Variants in WLS observed in about 807,000 individuals in gnomAD.
The protein encoded by WLS is protein wntless homolog.
WLS carries 23 observed loss-of-function variants against 62.8 expected under a neutral mutation model. The ratio of observed to expected loss-of-function variants is 0.37; its 90% CI spans 0.26 to 0.52. The LOEUF (loss-of-function observed/expected upper bound fraction) is 0.52. Among genes scored for constraint, WLS ranks in the 20% least tolerant of loss-of-function variants. The pLI, the probability that WLS is intolerant of heterozygous loss-of-function variation, is 0.92. For synonymous variants in WLS, 246 were observed against 244.1 expected, an observed-to-expected ratio of 1.01 and a Z score of -0.07; for missense variants, 615 against 697.3, an observed-to-expected ratio of 0.88 and a Z score of 1.33.
intron 1 of WLS, among the ~76,000 whole-genome samples, chr1:68,214,134 G>A (rs961027389): frequency 9.9e-5 from 15 of 151,630 alleles, no homozygotes; most frequent in Admixed American, 7.2e-4. Context: ...TCCAGGAATT[G>A]TCACTAATGA....
intron 11 of WLS, among the ~76,000 whole-genome samples, chr1:68,130,676 T>C (rs574086781): frequency 2.6e-5 from 4 of 152,244 alleles, no homozygotes; most frequent in African/African-American, 9.6e-5. Flanking sequence ...AGAATATGTC[T>C]GCCTTACATT....
chr1:68,181,237 AG>A (rs1647552454), intron 2 of WLS, among the ~76,000 whole-genome samples: 1 of 152,204 alleles, frequency 6.6e-6, no homozygotes, highest in South Asian at 2.1e-4. Flanking sequence ...TTAGAAGAGG[AG>A]GTGAAAACAA....
At chr1:68,104,172 G>A (rs1646114434) in intron 11 of WLS, among the ~76,000 whole-genome samples, 1 of 147,564 alleles carries the variant, frequency 6.8e-6, no homozygotes, top group Admixed American at 6.8e-5. Flanking sequence ...TGTCTCTCGG[G>A]GCCCTGCAAT....
At chr1:68,162,453 C>CAA (rs1646991679) in intron 2 of WLS, 1 of 1,613,798 alleles carries the variant, frequency 6.2e-7, no homozygotes, top group Non-Finnish European at 8.5e-7. Context: ...TCCCATCCTG[C>CAA]AAGTAGGGGT....
intron 8 of WLS, among the ~76,000 whole-genome samples, chr1:68,147,780 C>T (rs1284247951): frequency 6.6e-6 from 1 of 152,170 alleles, no homozygotes; most frequent in African/African-American, 2.4e-5. Context: ...ACAGGCTCTT[C>T]CACAGGGGCC....
intron 11 of WLS, among the ~76,000 whole-genome samples, chr1:68,109,130 T>C (rs1646186484): frequency 6.6e-6 from 1 of 152,098 alleles, no homozygotes. Flanking sequence ...TAAGCATAGG[T>C]GAAAGGCAGG....
At chr1:68,171,834 A>G (rs1371715196) in intron 2 of WLS, among the ~76,000 whole-genome samples, 1 of 152,230 alleles carries the variant, frequency 6.6e-6, no homozygotes, top group Non-Finnish European at 1.5e-5. Context: ...AAGGATTATA[A>G]ATCATTCTAC....
intron 11 of WLS, among the ~76,000 whole-genome samples, chr1:68,130,475 C>T (rs954970029): frequency 6.6e-5 from 10 of 152,250 alleles, no homozygotes; most frequent in Admixed American, 1.3e-4. Flanking sequence ...ATGTTCTTTC[C>T]AGAACATTCA....
intron 2 of WLS, chr1:68,186,575 A>G (rs1323323086): frequency 6.6e-6 from 3 of 455,802 alleles, no homozygotes; most frequent in South Asian, 4.7e-5. Context: ...AATCTCTGAT[A>G]AGCAGGAAGC....
At chr1:68,187,471 T>C (rs1038675222) in intron 2 of WLS, among the ~76,000 whole-genome samples, 2 of 152,066 alleles carry the variant, frequency 1.3e-5, no homozygotes, top group East Asian at 1.9e-4. Context: ...AAGATGTACA[T>C]GAGAAAAAAA....
intron 3 of WLS, among the ~76,000 whole-genome samples, chr1:68,156,609 C>G (rs985992952): frequency 6.6e-6 from 1 of 152,194 alleles, no homozygotes; most frequent in Non-Finnish European, 1.5e-5. Flanking sequence ...AATCAGTCGT[C>G]AACAGTTTTT....
intron 2 of WLS, among the ~76,000 whole-genome samples, chr1:68,192,785 AAAC>A (rs1648394177): frequency 6.9e-6 from 1 of 144,172 alleles, no homozygotes; most frequent in Admixed American, 7.1e-5. Flanking sequence ...AAAAAAAAAA[AAAC>A]AGAAGAAGAA....
At chr1:68,187,189 C>CAAAAAAAAAAAGAAAAAA (rs1648007064) in intron 2 of WLS, among the ~76,000 whole-genome samples, 1 of 57,196 alleles carries the variant, frequency 1.7e-5, no homozygotes, top group Non-Finnish European at 3.3e-5. Flanking sequence ...ACTCCATCTC[C>CAAAAAAAAAAAGAAAAAA]AAAAAAAAAA....
intron 1 of WLS, among the ~76,000 whole-genome samples, chr1:68,206,079 G>A (rs899925978): frequency 6.6e-6 from 1 of 152,158 alleles, no homozygotes; most frequent in African/African-American, 2.4e-5. Flanking sequence ...TGTCCCTGTT[G>A]ATTCACATAG....
chr1:68,162,453 C>A, intron 2 of WLS: 1 of 1,613,916 alleles, frequency 6.2e-7, no homozygotes, highest in Non-Finnish European at 8.5e-7. Context: ...TCCCATCCTG[C>A]AAGTAGGGGT....
chr1:68,170,161 T>TC (rs1647126561), intron 2 of WLS, among the ~76,000 whole-genome samples: 2 of 56,420 alleles, frequency 3.5e-5, no homozygotes, highest in African/African-American at 7.0e-5. Flanking sequence ...CTACTATTTC[T>TC]TTTTTTTTTT....
At chr1:68,145,213 C>T (rs527700043) in intron 9 of WLS, among the ~76,000 whole-genome samples, 1 of 152,268 alleles carries the variant, frequency 6.6e-6, no homozygotes, top group Admixed American at 6.5e-5. Flanking sequence ...CATATAAAAA[C>T]TCTGAGGTTC....
intron 2 of WLS, among the ~76,000 whole-genome samples, chr1:68,175,932 C>A (rs1300455769): frequency 2.0e-5 from 3 of 152,340 alleles, no homozygotes; most frequent in Admixed American, 6.5e-5. Flanking sequence ...GAAAAGCCAG[C>A]TACTAGAAGG....
At chr1:68,151,268 G>A (rs772709327) in intron 5 of WLS, among the ~76,000 whole-genome samples, 8 of 152,132 alleles carry the variant, frequency 5.3e-5, no homozygotes, top group Non-Finnish European at 1.0e-4. Flanking sequence ...TGCATTTGGG[G>A]ATCTGCATGT....
Sources: gnomAD v4.1 joint callset for allele counts (sites outside exome capture counted in the v4.1 genomes callset) on GRCh38, gnomAD v4.1.1 for gene constraint, MANE v1.5 for transcripts, NCBI Gene and HGNC (gene_info 2026-07-23, HGNC 2026-07-21) for gene names.